CDH6: variants seen among roughly 807,000 people sequenced by gnomAD.
CDH6 encodes the protein cadherin 6, also known as cadherin-6.
Under a neutral mutation model 78.0 loss-of-function variants are expected in CDH6, and 31 were observed. That is an observed-to-expected ratio of 0.40 (90% CI 0.30 to 0.54). The LOEUF is 0.54. Among genes scored for constraint, CDH6 ranks in the 20% least tolerant of loss-of-function variants. CDH6 has a pLI of 0.56. For synonymous variants in CDH6, 376 were observed against 368.8 expected, an observed-to-expected ratio of 1.02 and a Z score of -0.23; for missense variants, 724 against 975.9, an observed-to-expected ratio of 0.74 and a Z score of 3.44.
chr5:31,306,417 A>G lies in CDH6; in HGVS notation c.1253+990A>G, dbSNP rs151299300. On this transcript the variant is annotated intron_variant, in intron 7 of 11. Coordinates refer to ENST00000265071, the MANE Select transcript of CDH6 (RefSeq NM_004932.4). The stretch of plus-strand genomic sequence containing the variant: ...TGCTTCAGTATTCTCGGATCTTAAC[A>G]GGAAAATGCTGGAGTCAACCAACCT... 9.1e-4 allele frequency among the ~76,000 whole-genome samples: 138 copies of G among 152,290 alleles called. 2 individuals carry two copies. Among genetic ancestry groups the G allele is most frequent in the African/African-American group, 3.3e-3 (136 of 41,572 alleles).
chr5:31,235,506 C>T (rs1204909670), intron 1 of CDH6, among the ~76,000 whole-genome samples: 1 of 152,076 alleles, frequency 6.6e-6, no homozygotes. Context: ...CTCCAGTTTG[C>T]TCTAATGACA....
chr5:31,255,159 C>T (rs1467758503), intron 1 of CDH6, among the ~76,000 whole-genome samples: 4 of 152,206 alleles, frequency 2.6e-5, no homozygotes, highest in Non-Finnish European at 4.4e-5. Flanking sequence ...TTGATTACTT[C>T]GAAACATCAA....
intron 1 of CDH6, among the ~76,000 whole-genome samples, chr5:31,224,807 G>C (rs1741104428): frequency 6.6e-6 from 1 of 152,156 alleles, no homozygotes; most frequent in Non-Finnish European, 1.5e-5. Context: ...GCGTCCCAAA[G>C]TGCTGGGAGT....
At chr5:31,305,107 G>T (rs76558690) in intron 6 of CDH6, 67 bp from the exon 7 acceptor site, 18 of 1,512,164 alleles carry the variant, frequency 1.2e-5, no homozygotes, top group Non-Finnish European at 1.5e-5. Flanking sequence ...AAAATGTTTC[G>T]TGTCTTGGCT....
At chr5:31,284,341 G>A (rs911893327) in intron 2 of CDH6, among the ~76,000 whole-genome samples, 1 of 152,188 alleles carries the variant, frequency 6.6e-6, no homozygotes, top group African/African-American at 2.4e-5. Flanking sequence ...CCAAAACCAA[G>A]GAACTTCACA....
chr5:31,264,682 T>C (rs1199470408), intron 1 of CDH6, among the ~76,000 whole-genome samples: 2 of 152,204 alleles, frequency 1.3e-5, no homozygotes, highest in Non-Finnish European at 2.9e-5. Context: ...TTTGAGCATA[T>C]TGATCATAGT....
Position 31,326,223 on chromosome 5 carries a change from T to C in CDH6, c.*2915T>C, listed in dbSNP as rs1738621216. On this transcript the variant is annotated 3_prime_UTR_variant, in exon 12 of 12. Coordinates refer to ENST00000265071, the MANE Select transcript of CDH6 (RefSeq NM_004932.4). ...AATTCATTAAGCATAACCAGATTGC[T>C]TTTGTGGGTTGTTTCAAGGACATTG... is the stretch of plus-strand genomic sequence containing the variant. 2.2e-5 allele frequency: 5 copies of C among 223,562 alleles called. No homozygotes were observed. In the East Asian group the frequency reaches 3.3e-4, roughly 15 times the overall value. 13.8% of individuals were successfully genotyped at this position (223,562 alleles called of 1,614,324 possible).
At position 31,294,397 on chromosome 5, in the gene CDH6, G is replaced by A; in HGVS notation, c.523+141G>A. The A allele has an allele frequency of 3.0e-6, 2 of 677,048 alleles. No homozygotes were observed. Among genetic ancestry groups the A allele is most frequent in the East Asian group, 2.6e-5 (1 of 38,780 alleles). The allele number at this position is 677,048 out of a possible 1,614,324, so 41.9% of individuals were successfully genotyped here. A position where few individuals can be genotyped will look rare whatever the true frequency, so the allele number is the denominator to read the frequency against. ...ATCCATGTATGTCCTTTCTGTAAGT[G>A]CATATGTTTCCTAATATTACTCTAG... On this transcript the variant is annotated intron_variant, in intron 3 of 11. Coordinates refer to ENST00000265071, the MANE Select transcript of CDH6 (RefSeq NM_004932.4). This position sits in a 1 kb window ranked among gnomAD's most constrained non-coding sequence, Gnocchi z 4.1.
intron 1 of CDH6, among the ~76,000 whole-genome samples, chr5:31,232,549 G>GAGTATTT (rs1238678479): frequency 2.0e-5 from 3 of 152,136 alleles, no homozygotes; most frequent in African/African-American, 4.8e-5. Context: ...TCCAGGACAG[G>GAGTATTT]AGTATTTAAC....
chr5:31,317,973 AC>A (rs764916193), intron 11 of CDH6, 49 bp downstream of exon 11: 89 of 1,597,264 alleles, frequency 5.6e-5, no homozygotes, highest in Non-Finnish European at 7.3e-5. Flanking sequence ...AGGGGCTCAC[AC>A]TGTTACTGTG....
At chr5:31,317,998 A>G (rs1028142975) in intron 11 of CDH6, 74 bp downstream of exon 11, 1 of 1,547,364 alleles carries the variant, frequency 6.5e-7, no homozygotes, top group East Asian at 2.2e-5. Flanking sequence ...CTCTAGATTT[A>G]TCTGCCTCCC....
At chr5:31,196,113 C>G (rs1452538487) in intron 1 of CDH6, among the ~76,000 whole-genome samples, 1 of 152,158 alleles carries the variant, frequency 6.6e-6, no homozygotes, top group Non-Finnish European at 1.5e-5. Context: ...TCATTTTCTA[C>G]CAAGTTGCCT....
intron 1 of CDH6, among the ~76,000 whole-genome samples, chr5:31,248,238 T>G (rs1347271755): frequency 6.6e-6 from 1 of 152,194 alleles, no homozygotes. Flanking sequence ...CAAAGCAATC[T>G]TTCAAAGTAA....
intron 1 of CDH6, among the ~76,000 whole-genome samples, chr5:31,226,759 C>T (rs748901388): frequency 6.6e-6 from 1 of 152,256 alleles, no homozygotes; most frequent in East Asian, 1.9e-4. Context: ...AACACAAATT[C>T]GTCGTTTTTG....
At chr5:31,316,547 G>A (rs920470079) in intron 9 of CDH6, among the ~76,000 whole-genome samples, 2 of 152,116 alleles carry the variant, frequency 1.3e-5, no homozygotes, top group African/African-American at 2.4e-5. Context: ...ATTCCAAATC[G>A]ATCTTAAGTT....
At chr5:31,309,622 A>G (rs1325463140) in intron 7 of CDH6, among the ~76,000 whole-genome samples, 1 of 130,216 alleles carries the variant, frequency 7.7e-6, no homozygotes, top group African/African-American at 3.0e-5. Context: ...CCCTGCTCAT[A>G]AACATAGTGT....
intron 9 of CDH6, among the ~76,000 whole-genome samples, chr5:31,317,044 T>C (rs1308430267): frequency 2.0e-5 from 3 of 152,214 alleles, no homozygotes; most frequent in Non-Finnish European, 4.4e-5. Context: ...TCAATCAGGG[T>C]GATTTCCTCC....
chr5:31,233,344 A>C (rs1334449383), intron 1 of CDH6, among the ~76,000 whole-genome samples: 1,726 of 7,932 alleles, frequency 0.22, 33 homozygotes, highest in African/African-American at 0.27. Flanking sequence ...CCGTCTCTAC[A>C]AAAAAAAAAA....
Position 31,317,930 on chromosome 5 carries a change from C to T in CDH6, c.1882+6C>T. The T allele has an allele frequency of 6.2e-7, 1 of 1,611,372 alleles. No homozygotes were observed. The highest frequency in any genetic ancestry group is 8.5e-7 in the Non-Finnish European group (1 of 1,180,008). On this transcript the variant is annotated splice_donor_region_variant and intron_variant, in intron 11 of 11. Transcript: ENST00000265071. ...GTGCATCGTGATCCTACTAGGTAAA[C>T]TGGTTCTCCCTGCCTCCTATCTCCC...
Sources: allele counts gnomAD v4.1 joint callset (sites outside exome capture counted in the v4.1 genomes callset), GRCh38; gene constraint gnomAD v4.1.1; non-coding constraint Gnocchi (gnomAD v3.1); transcripts MANE v1.5; gene names NCBI Gene and HGNC (gene_info 2026-07-23, HGNC 2026-07-21).